MAP1S: variants seen among roughly 807,000 people sequenced by gnomAD.
The protein encoded by MAP1S is microtubule-associated protein 1S.
Under a neutral mutation model 60.9 loss-of-function variants are expected in MAP1S, and 27 were observed. The ratio of observed to expected loss-of-function variants is 0.44; its 90% CI spans 0.33 to 0.61. The LOEUF (loss-of-function observed/expected upper bound fraction) is 0.61. Ranked by LOEUF, MAP1S falls within the 20% of genes least tolerant of loss-of-function variation. The probability of loss-of-function intolerance (pLI) is 0.03; values close to 1 mark genes in which losing one functional copy is unlikely to be tolerated. For synonymous variants in MAP1S, 826 were observed against 694.2 expected, an observed-to-expected ratio of 1.19 and a Z score of -2.98; for missense variants, 1,608 against 1,486.6, an observed-to-expected ratio of 1.08 and a Z score of -1.34.
chr19:17,727,012 G>C lies in MAP1S; in HGVS notation c.1628G>C (p.Arg543Pro). ...VSRTQPREVR[R>P]AASSVPNLKK... ...CGGACCCAGCCGCGGGAGGTGCGCCGGGCAGCCTCTTCTGTGCCCAACCTC... is the reference window on the plus strand; with the variant it reads ...CGGACCCAGCCGCGGGAGGTGCGCCCGGCAGCCTCTTCTGTGCCCAACCTC... The change falls in exon 5 of 7, where the codon CGG becomes CCG. Residue 543 changes from arginine to proline, a missense_variant. Arg to Pro is a moderately radical substitution (Grantham distance 103). Transcript: ENST00000324096. The surrounding 1 kb of genome is among the most constrained non-coding windows in gnomAD (Gnocchi z 4.1). 1.3e-6 allele frequency: 2 copies of C among 1,588,080 alleles called. No individual in the cohort carries two copies. The highest frequency in any genetic ancestry group is 1.7e-6 in the Non-Finnish European group (2 of 1,168,304).
At position 17,725,720 on chromosome 19, in the gene MAP1S, TGAG is replaced by T; in HGVS notation, c.445-105_445-103del. 8.7e-7 allele frequency: 1 copy of T among 1,151,964 alleles called. No homozygotes were observed. The highest frequency in any genetic ancestry group is 1.2e-6 in the Non-Finnish European group (1 of 826,816). The allele number at this position is 1,151,964 out of a possible 1,614,324, so 71.4% of individuals were successfully genotyped here. A position where few individuals can be genotyped will look rare whatever the true frequency, so the allele number is the denominator to read the frequency against. On this transcript the variant is annotated intron_variant, in intron 4 of 6. Transcript: ENST00000324096. The surrounding 1 kb of genome is among the most constrained non-coding windows in gnomAD (Gnocchi z 4.2). ...GGGTTGGGTTTTGGCGGGAGGGCCC[TGAG>T]GAGCAGGCCCTGGGGGAAAGGATGA...
chr19:17,725,088 C>T lies in MAP1S; in HGVS notation c.343C>T (p.Leu115=). Residue 115 remains leucine (L), a synonymous_variant, in exon 4 of 7, where the codon CTG becomes TTG. Transcript: ENST00000324096. The surrounding 1 kb of genome is among the most constrained non-coding windows in gnomAD (Gnocchi z 4.2). ...LLLDPASHKL[L]VLAGPCLEET... is the part of the protein sequence containing the mutation. ...GTTGGACCCTGCCTCTCACAAGCTA[C>T]TGGTGTTGGCTGGGCCCTGCCTGGA... 1 of 1,614,180 alleles carries T rather than the reference C, an allele frequency of 6.2e-7. No individual in the cohort carries two copies. Among genetic ancestry groups the T allele is most frequent in the Non-Finnish European group, 8.5e-7 (1 of 1,180,032 alleles).
chr19:17,724,053 G>A (rs1599455037), intron 2 of MAP1S, 73 bp from the exon 3 acceptor site: 1 of 1,200,690 alleles, frequency 8.3e-7, no homozygotes, highest in South Asian at 1.2e-5. Context: ...TGGGTTCCCA[G>A]AGGGGTTCAT....
Position 17,719,544 on chromosome 19 carries a change from C to G in MAP1S, c.42C>G (p.Ser14Arg). 1 of 1,246,156 alleles carries G rather than the reference C, an allele frequency of 8.0e-7. No homozygotes were observed. Among genetic ancestry groups the G allele is most frequent in the Non-Finnish European group, 1.0e-6 (1 of 987,584 alleles). 77.2% of individuals were successfully genotyped at this position (1,246,156 alleles called of 1,614,324 possible). A position where few individuals can be genotyped will look rare whatever the true frequency, so the allele number is the denominator to read the frequency against. ...GATCTGGGGCTGCCGCGGCTCCGAGCTCACTGCTCCTCGTGGTGGGCAGCG... is the reference window on the plus strand; with the variant it reads ...GATCTGGGGCTGCCGCGGCTCCGAGGTCACTGCTCCTCGTGGTGGGCAGCG... Reference protein sequence around the residue: ...VAGSGAAAAPSSLLLVVGSEF... With the variant: ...VAGSGAAAAPRSLLLVVGSEF... The change falls in exon 1 of 7, where the codon AGC becomes AGG. Residue 14 changes from serine to arginine, a missense_variant. This residue lies in a region of MAP1S where 45 missense variants were observed against 22.0 expected (regional missense o/e 2.04). Coordinates refer to ENST00000324096, the MANE Select transcript of MAP1S (RefSeq NM_018174.6).
At position 17,726,077 on chromosome 19, in the gene MAP1S, C is replaced by G; in HGVS notation, c.693C>G (p.Thr231=). 1 of 1,613,768 alleles carries G rather than the reference C, an allele frequency of 6.2e-7. No homozygotes were observed. The highest frequency in any genetic ancestry group is 8.5e-7 in the Non-Finnish European group (1 of 1,179,920). ...CCTTCGAGCTGCTGGAGCCCCCGAC[C>G]TCCGGGGGCTTCCTCAGGCTGGGCC... is the stretch of plus-strand genomic sequence containing the variant. The part of the protein sequence containing the change: ...PSPFELLEPP[T]SGGFLRLGRP... The change falls in exon 5 of 7, where the codon ACC becomes ACG. Residue 231 remains threonine (T), a synonymous_variant. Coordinates refer to ENST00000324096, the MANE Select transcript of MAP1S (RefSeq NM_018174.6).
rs759144600 is a variant in MAP1S at position 17,727,179 on chromosome 19, G to A, written c.1795G>A (p.Gly599Ser). 9.5e-6 allele frequency: 15 copies of A among 1,579,306 alleles called. 1 individual carries two copies. The East Asian group carries it at 1.2e-4, about 12-fold the overall frequency. Residue 599 changes from glycine (G) to serine (S), a missense_variant, in exon 5 of 7, where the codon GGC becomes AGC. Physicochemically the swap from Gly to Ser is moderately conservative, Grantham distance 56. Transcript: ENST00000324096. The surrounding 1 kb of genome is among the most constrained non-coding windows in gnomAD (Gnocchi z 4.1). ...GEASPPSAACGSPASQLVATP... is the reference protein window; with the variant it reads ...GEASPPSAACSSPASQLVATP... ...AGCCAGCCCCCCCAGTGCAGCCTGC[G>A]GCTCTCCGGCCTCCCAGCTGGTGGC... is the stretch of plus-strand genomic sequence containing the variant.
Position 17,727,469 on chromosome 19 carries a change from C to T in MAP1S, c.2085C>T (p.Asp695=), listed in dbSNP as rs766712733. 1.1e-5 allele frequency: 17 copies of T among 1,608,250 alleles called. 1 individual carries two copies. Among genetic ancestry groups the T allele is most frequent in the African/African-American group, 2.7e-5 (2 of 74,932 alleles). ...GCTCCCCGCACTCGACCGAGGTGGACGAGTCCCTGTCGGTGTCCTTTGAGC... is the reference window on the plus strand; with the variant it reads ...GCTCCCCGCACTCGACCGAGGTGGATGAGTCCCTGTCGGTGTCCTTTGAGC... ...EVGSPHSTEV[D]ESLSVSFEQV... Residue 695 remains aspartate, a synonymous_variant, in exon 5 of 7, where the codon GAC becomes GAT. Coordinates refer to ENST00000324096, the MANE Select transcript of MAP1S (RefSeq NM_018174.6). The surrounding 1 kb of genome is among the most constrained non-coding windows in gnomAD (Gnocchi z 4.1).
chr19:17,730,468 A>G (rs1010473548), intron 5 of MAP1S, among the ~76,000 whole-genome samples: 2 of 152,008 alleles, frequency 1.3e-5, no homozygotes, highest in African/African-American at 2.4e-5. Context: ...GGTGCATGCC[A>G]TCGTGCCTGG....
At chr19:17,721,447 C>A in intron 2 of MAP1S, 1 of 290,274 alleles carries the variant, frequency 3.4e-6, no homozygotes, top group Non-Finnish European at 6.7e-6. Flanking sequence ...GAGGCCGCAG[C>A]GGGCGGATCA....
At chr19:17,724,253 C>G (rs1475977659) in intron 3 of MAP1S, 45 bp downstream of exon 3, 1 of 1,502,202 alleles carries the variant, frequency 6.7e-7, no homozygotes, top group Admixed American at 1.7e-5. Context: ...TGCTGGGACC[C>G]GTGCCTTCTC....
intron 1 of MAP1S, 150 bp from the exon 2 acceptor site, chr19:17,720,786 C>G: frequency 1.4e-6 from 1 of 704,090 alleles, no homozygotes; most frequent in Middle Eastern, 3.9e-4. Flanking sequence ...TGCAGCGAGA[C>G]CTGAAGGTGT....
Position 17,727,962 on chromosome 19 carries a change from A to T in MAP1S, c.2578A>T (p.Ser860Cys). ...GACAGCACGGCAAACGGAGAACGTC[A>T]GCCGCACCCGGAAGCCCCTGGCCCG... Reference protein sequence around the residue: ...PKTARQTENVSRTRKPLARPN... With the variant: ...PKTARQTENVCRTRKPLARPN... The change falls in exon 5 of 7, where the codon AGC becomes TGC. Residue 860 changes from serine to cysteine, a missense_variant. Transcript: ENST00000324096. This position sits in a 1 kb window ranked among gnomAD's most constrained non-coding sequence, Gnocchi z 4.1. 6.2e-7 allele frequency: 1 copy of T among 1,607,022 alleles called. No individual in the cohort carries two copies. Among genetic ancestry groups the T allele is most frequent in the Non-Finnish European group, 8.5e-7 (1 of 1,176,466 alleles).
In MAP1S at chr19:17,733,212, C is replaced by G; in HGVS notation, c.2808C>G (p.Pro936=). ...RGPSGSASSR[P]GVSATPPKSP... ...CCGCAGGGTCAGCCAGCAGCCGGCC[C>G]GGGGTGTCAGCCACCCCACCCAAGT... Residue 936 remains proline, a synonymous_variant, in exon 6 of 7, where the codon CCC becomes CCG. Transcript: ENST00000324096. The G allele has an allele frequency of 1.3e-6, 2 of 1,543,134 alleles. No individual in the cohort carries two copies. The highest frequency in any genetic ancestry group is 1.2e-5 in the South Asian group (1 of 83,570).
In MAP1S at chr19:17,726,314, G is replaced by A. The variant is rs1430321202; in HGVS notation, c.930G>A (p.Ala310=). ...GLNSLLRRKL[A]ERSEVAAGGG... The stretch of plus-strand genomic sequence containing the variant: ...ACAGCCTGCTGCGGCGCAAACTGGC[G>A]GAGCGCTCCGAGGTGGCTGCTGGTG... Residue 310 remains alanine (A), a synonymous_variant, in exon 5 of 7, where the codon GCG becomes GCA. Transcript: ENST00000324096. The A allele has an allele frequency of 4.4e-6, 7 of 1,605,372 alleles. No individual in the cohort carries two copies. The highest frequency in any genetic ancestry group is 1.7e-5 in the Admixed American group (1 of 59,558).
At chr19:17,721,415 G>A (rs558816992) in intron 2 of MAP1S, 7 of 330,904 alleles carry the variant, frequency 2.1e-5, no homozygotes, top group Middle Eastern at 1.1e-3. Flanking sequence ...GGTGGCTTAC[G>A]CCTCTGATCT....
At chr19:17,730,065 C>G (rs963884593) in intron 5 of MAP1S, among the ~76,000 whole-genome samples, 13 of 152,142 alleles carry the variant, frequency 8.5e-5, no homozygotes, top group African/African-American at 2.4e-4. Flanking sequence ...GCCTCGGCCT[C>G]CCAAAGTGCT....
At chr19:17,733,034 C>G in intron 5 of MAP1S, 159 bp from the exon 6 acceptor site, 3 of 569,878 alleles carry the variant, frequency 5.3e-6, no homozygotes, top group Admixed American at 6.5e-5. Context: ...AAATAAGATT[C>G]ACTGGAGTCA....
Position 17,724,206 on chromosome 19 carries a change from G to A in MAP1S, c.301G>A (p.Glu101Lys). The A allele has an allele frequency of 6.2e-7, 1 of 1,613,678 alleles. No homozygotes were observed. The highest frequency in any genetic ancestry group is 8.5e-7 in the Non-Finnish European group (1 of 1,179,732). The change falls in exon 3 of 7, where the codon GAG (glutamate) becomes AAG (lysine). Residue 101 changes from glutamate to lysine, a missense_variant and splice_region_variant. Glu to Lys is a moderately conservative substitution (Grantham distance 56). This residue lies in a region of MAP1S where 320 missense variants were observed against 393.1 expected (regional missense o/e 0.81). Coordinates refer to ENST00000324096, the MANE Select transcript of MAP1S (RefSeq NM_018174.6). ...CCCATCAGACAAGTCCCTGTATGAT[G>A]AGGTAGGGAATGGCTGACGTCCTGG... ...LNPSDKSLYD[E>K]LRNLLLDPAS...
chr19:17,726,730 A>G lies in MAP1S; in HGVS notation c.1346A>G (p.Gln449Arg). Residue 449 changes from glutamine (Q) to arginine (R), a missense_variant, in exon 5 of 7, where the codon CAG (glutamine) becomes CGG (arginine). Gln to Arg is a conservative substitution (Grantham distance 43). Coordinates refer to ENST00000324096, the MANE Select transcript of MAP1S (RefSeq NM_018174.6). Reference sequence around the variant, plus strand: ...CTCCTGGACGGCCTGGTCCGCCTGCAGCACTTGAGGTTCCTGCGAGAGCCC... The same window carrying G: ...CTCCTGGACGGCCTGGTCCGCCTGCGGCACTTGAGGTTCCTGCGAGAGCCC... ...ACLLDGLVRL[Q>R]HLRFLREPVV... The G allele has an allele frequency of 6.3e-7, 1 of 1,588,528 alleles. No homozygotes were observed. The highest frequency in any genetic ancestry group is 1.1e-5 in the South Asian group (1 of 88,150).
Sources: gnomAD v4.1 joint callset for allele counts (sites outside exome capture counted in the v4.1 genomes callset) on GRCh38, gnomAD v4.1.1 for gene constraint, gnomAD v4.1.1 regional missense constraint, Gnocchi (gnomAD v3.1) non-coding constraint, MANE v1.5 for transcripts, NCBI Gene and HGNC (gene_info 2026-07-23, HGNC 2026-07-21) for gene names.